NTM: variants seen among roughly 807,000 people sequenced by gnomAD.
NTM encodes the protein IgLON family member 2.
NTM carries 13 observed loss-of-function variants against 42.1 expected under a neutral mutation model. The observed-to-expected ratio is 0.31, with a 90% CI of 0.20 to 0.49. The LOEUF (loss-of-function observed/expected upper bound fraction) is 0.49. Ranked by LOEUF, NTM falls within the 20% of genes least tolerant of loss-of-function variation. The pLI is 0.99. For synonymous variants in NTM, 187 were observed against 179.2 expected, an observed-to-expected ratio of 1.04 and a Z score of -0.35; for missense variants, 373 against 452.8, an observed-to-expected ratio of 0.82 and a Z score of 1.60.
intron 1 of NTM, among the ~76,000 whole-genome samples, chr11:131,475,385 C>T (rs922536443): frequency 6.6e-6 from 1 of 151,888 alleles, no homozygotes; most frequent in Non-Finnish European, 1.5e-5. Flanking sequence ...AGTTTAATCC[C>T]CTAAACCTTT....
intron 1 of NTM, chr11:131,911,309 GAAT>G (rs1272814723): frequency 1.4e-6 from 2 of 1,444,320 alleles, no homozygotes; most frequent in African/African-American, 1.4e-5. Flanking sequence ...TTTGGGGGAG[GAAT>G]ATTAGACTCG....
chr11:131,501,408 C>T (rs2046816220), intron 1 of NTM, among the ~76,000 whole-genome samples: 1 of 152,048 alleles, frequency 6.6e-6, no homozygotes, highest in South Asian at 2.1e-4. Context: ...AATGTTCCAG[C>T]CAGGAGAAGG....
intron 1 of NTM, among the ~76,000 whole-genome samples, chr11:131,815,812 C>A (rs1396740152): frequency 6.6e-6 from 1 of 152,160 alleles, no homozygotes; most frequent in Non-Finnish European, 1.5e-5. Context: ...GGGGATTAAG[C>A]GGCTGCCTTT....
intron 2 of NTM, among the ~76,000 whole-genome samples, chr11:131,925,634 C>G (rs889024383): frequency 2.6e-5 from 4 of 152,156 alleles, no homozygotes; most frequent in Non-Finnish European, 4.4e-5. Flanking sequence ...ATCTGCCTGC[C>G]TTGGCCTGCC....
chr11:132,002,080 G>A lies in NTM; in HGVS notation c.167+90432G>A, dbSNP rs550498604. 9.2e-5 allele frequency among the ~76,000 whole-genome samples: 14 copies of A among 152,294 alleles called. No individual in the cohort carries two copies. The highest frequency in any genetic ancestry group is 3.4e-4 in the African/African-American group (14 of 41,582). Reference sequence around the variant, plus strand: ...CAGTTAATGAATTAGGCTCACAGGGGTGGAGAGTTGATGCTGTCCATGGCA... The same window carrying A: ...CAGTTAATGAATTAGGCTCACAGGGATGGAGAGTTGATGCTGTCCATGGCA... On this transcript the variant is annotated intron_variant, in intron 2 of 8. Coordinates refer to ENST00000683400, the MANE Select transcript of NTM (RefSeq NM_001352005.2). This position sits in a 1 kb window ranked among gnomAD's most constrained non-coding sequence, Gnocchi z 4.5.
intron 2 of NTM, among the ~76,000 whole-genome samples, chr11:132,112,351 C>T (rs1219097000): frequency 1.3e-5 from 2 of 152,122 alleles, no homozygotes; most frequent in Non-Finnish European, 2.9e-5. Context: ...TACAGCTCAA[C>T]TCTTAGGGGA....
At position 131,789,617 on chromosome 11, in the gene NTM, AAG is replaced by A. The variant is rs1472844598; in HGVS notation, c.83-121945_83-121944del. Among the ~76,000 whole-genome samples, 3 of 83,066 alleles carry A rather than the reference AAG, an allele frequency of 3.6e-5. 1 individual carries two copies. Among genetic ancestry groups the A allele is most frequent in the East Asian group, 3.4e-4 (1 of 2,922 alleles). 54.5% of individuals were successfully genotyped at this position (83,066 alleles called of 152,430 possible). The stretch of plus-strand genomic sequence containing the variant: ...GAAGAAGAAGAAGAAGAAGAAGAAG[AAG>A]AAGAAGAAGAAGAAGAAAAGAAGAA... On this transcript the variant is annotated intron_variant, in intron 1 of 8. Coordinates refer to ENST00000683400, the MANE Select transcript of NTM (RefSeq NM_001352005.2).
chr11:132,103,352 T>C (rs2061860213), intron 2 of NTM, among the ~76,000 whole-genome samples: 1 of 152,240 alleles, frequency 6.6e-6, no homozygotes, highest in African/African-American at 2.4e-5. Flanking sequence ...CCTTTGCTAT[T>C]GCGCTGGCAT....
At position 131,410,576 on chromosome 11, in the gene NTM, C is replaced by G. The variant is rs546053686; in HGVS notation, c.82+39688C>G. On this transcript the variant is annotated intron_variant, in intron 1 of 8. Transcript: ENST00000683400. ...GGACAGAGGAAGTCATTTCGGTGGGCCATGTCTGTTGGATCTCTTCTTCCT... is the reference window on the plus strand; with the variant it reads ...GGACAGAGGAAGTCATTTCGGTGGGGCATGTCTGTTGGATCTCTTCTTCCT... Among the ~76,000 whole-genome samples, 56 of 146,058 alleles carry G rather than the reference C, an allele frequency of 3.8e-4. No individual in the cohort carries two copies. The South Asian group carries it at 0.012, about 31-fold the overall frequency.
chr11:131,391,710 G>A (rs945530014), intron 1 of NTM, among the ~76,000 whole-genome samples: 3 of 150,784 alleles, frequency 2.0e-5, no homozygotes, highest in Admixed American at 6.6e-5. Flanking sequence ...GGAGAGGGTC[G>A]GGAGACAGAA....
intron 1 of NTM, among the ~76,000 whole-genome samples, chr11:131,598,755 C>CTTTCTTTT (rs201769252): frequency 6.4e-5 from 2 of 31,098 alleles, no homozygotes; most frequent in Non-Finnish European, 1.5e-4. Flanking sequence ...TTCTTTCTTT[C>CTTTCTTTT]TTCTTTCTTT....
At chr11:132,300,257 G>A in intron 4 of NTM, among the ~76,000 whole-genome samples, 1 of 152,162 alleles carries the variant, frequency 6.6e-6, no homozygotes, top group Non-Finnish European at 1.5e-5. Context: ...CCTAATTAGG[G>A]TTGCAGTAAA....
intron 2 of NTM, among the ~76,000 whole-genome samples, chr11:132,139,030 C>G (rs1213121203): frequency 6.6e-6 from 1 of 152,152 alleles, no homozygotes; most frequent in Non-Finnish European, 1.5e-5. Context: ...AGATGGAGTC[C>G]AGCGTGAATT....
At chr11:131,586,010 C>T (rs887745387) in intron 1 of NTM, among the ~76,000 whole-genome samples, 3 of 152,166 alleles carry the variant, frequency 2.0e-5, no homozygotes, top group Admixed American at 6.5e-5. Flanking sequence ...ACTTACCTGT[C>T]GTAACTGGTC....
At chr11:131,396,511 T>C (rs926786350) in intron 1 of NTM, among the ~76,000 whole-genome samples, 6 of 152,110 alleles carry the variant, frequency 3.9e-5, no homozygotes, top group Non-Finnish European at 7.3e-5. Context: ...AAAACAAATA[T>C]GGTGAAAGAA....
intron 1 of NTM, among the ~76,000 whole-genome samples, chr11:131,564,878 C>T (rs2056693979): frequency 6.6e-6 from 1 of 152,148 alleles, no homozygotes; most frequent in Non-Finnish European, 1.5e-5. Flanking sequence ...TACACACACA[C>T]ACACCTTTCT....
At chr11:131,656,075 G>A (rs1468386370) in intron 1 of NTM, among the ~76,000 whole-genome samples, 2 of 152,168 alleles carry the variant, frequency 1.3e-5, no homozygotes, top group Non-Finnish European at 2.9e-5. Context: ...ATCCTCATCT[G>A]CCATTTTCCT....
chr11:132,168,297 T>G (rs1049843087), intron 3 of NTM, among the ~76,000 whole-genome samples: 1 of 152,192 alleles, frequency 6.6e-6, no homozygotes, highest in African/African-American at 2.4e-5. Flanking sequence ...TTTCTCCAAA[T>G]AGCTTGTGAG....
intron 1 of NTM, among the ~76,000 whole-genome samples, chr11:131,564,541 T>C (rs2056645180): frequency 6.6e-6 from 1 of 152,090 alleles, no homozygotes; most frequent in South Asian, 2.1e-4. Flanking sequence ...GAGGTATTGT[T>C]GATATACAAA....
Sources: allele counts gnomAD v4.1 joint callset (sites outside exome capture counted in the v4.1 genomes callset), GRCh38; gene constraint gnomAD v4.1.1; non-coding constraint Gnocchi (gnomAD v3.1); transcripts MANE v1.5; gene names NCBI Gene and HGNC (gene_info 2026-07-23, HGNC 2026-07-21).